The following CHODL variants were observed in gnomAD, a reference collection of about 807,000 sequenced individuals.
CHODL encodes the protein chondrolectin.
In CHODL, 29 loss-of-function variants were observed where a neutral mutation model predicts 34.5. The ratio of observed to expected loss-of-function variants is 0.84; its 90% CI spans 0.63 to 1.15. The LOEUF is 1.15. Among genes scored for constraint, CHODL ranks in the 50% most tolerant of loss-of-function variants. The probability of loss-of-function intolerance (pLI) is 0.00; values close to 1 mark genes in which losing one functional copy is unlikely to be tolerated. For synonymous variants in CHODL, 125 were observed against 116.1 expected (o/e 1.08, Z -0.49); for missense variants, 332 against 332.5 (o/e 1.00, Z 0.01).
chr21:17,975,155 A>G (rs2063651416), intron 1 of CHODL, among the ~76,000 whole-genome samples: 2 of 152,058 alleles, frequency 1.3e-5, no homozygotes, highest in African/African-American at 2.4e-5. Context: ...GTGAAAGATT[A>G]TGTCCTTTTC....
chr21:18,060,473 T>TAAATAAATAAAA (rs2064647203), intron 2 of CHODL, among the ~76,000 whole-genome samples: 2 of 150,948 alleles, frequency 1.3e-5, no homozygotes, highest in South Asian at 2.1e-4. Context: ...AATAAATAAA[T>TAAATAAATAAAA]AAAATTATCA....
intron 2 of CHODL, among the ~76,000 whole-genome samples, chr21:18,041,524 GT>G (rs2064375805): frequency 6.6e-6 from 1 of 151,578 alleles, no homozygotes; most frequent in African/African-American, 2.4e-5. Flanking sequence ...ATAAAATTGG[GT>G]TACAGATTTT....
chr21:18,015,639 G>A (rs2064065764), intron 1 of CHODL, among the ~76,000 whole-genome samples: 2 of 152,124 alleles, frequency 1.3e-5, no homozygotes, highest in Non-Finnish European at 2.9e-5. Flanking sequence ...GGGAAAGTTT[G>A]GAATGTCCTG....
intron 2 of CHODL, among the ~76,000 whole-genome samples, chr21:18,058,336 A>C (rs204013): frequency 0.65 from 98,986 of 152,034 alleles, 33,299 homozygotes; most frequent in African/African-American, 0.76. Flanking sequence ...ATGATCCAGC[A>C]ATCCAACTAT....
At chr21:18,135,561 C>T (rs1417904071) in intron 2 of CHODL, among the ~76,000 whole-genome samples, 1 of 152,114 alleles carries the variant, frequency 6.6e-6, no homozygotes, top group Admixed American at 6.6e-5. Context: ...AATCCCTTCT[C>T]CTATATCAAT....
intron 1 of CHODL, among the ~76,000 whole-genome samples, chr21:18,010,128 A>C (rs866575757): frequency 0.014 from 1,909 of 140,262 alleles, 39 homozygotes; most frequent in Middle Eastern, 0.027. Context: ...CAAAAAAAAA[A>C]AAAAAAAAAA....
intron 1 of CHODL, among the ~76,000 whole-genome samples, chr21:17,963,283 C>G (rs945320554): frequency 6.6e-6 from 1 of 151,954 alleles, no homozygotes. Flanking sequence ...CCGGTAATTA[C>G]GTAGAAAAAT....
At chr21:17,944,450 A>T (rs1307467783) in intron 1 of CHODL, among the ~76,000 whole-genome samples, 1 of 152,196 alleles carries the variant, frequency 6.6e-6, no homozygotes, top group Non-Finnish European at 1.5e-5. Flanking sequence ...ACAGCCACTT[A>T]TCTAAGCCAA....
chr21:18,238,124 C>T (rs562688027), intron 2 of CHODL, among the ~76,000 whole-genome samples: 39 of 152,172 alleles, frequency 2.6e-4, no homozygotes, highest in African/African-American at 9.1e-4. Flanking sequence ...CTTCTCAGCA[C>T]TCTGAACTAT....
intron 1 of CHODL, among the ~76,000 whole-genome samples, chr21:17,964,349 TCA>T (rs143331966): frequency 4.0e-5 from 6 of 151,774 alleles, no homozygotes; most frequent in Non-Finnish European, 7.4e-5. Flanking sequence ...AAGCACACAG[TCA>T]CACACACACA....
chr21:18,221,128 G>A (rs1350356258), intron 2 of CHODL, among the ~76,000 whole-genome samples: 2 of 151,886 alleles, frequency 1.3e-5, no homozygotes, highest in East Asian at 3.9e-4. Flanking sequence ...CAAAACGCTT[G>A]TCTTCAAGTT....
chr21:18,098,465 A>C (rs757521124), intron 2 of CHODL, among the ~76,000 whole-genome samples: 2 of 152,102 alleles, frequency 1.3e-5, no homozygotes, highest in Non-Finnish European at 2.9e-5. Context: ...AAAGTGCTCA[A>C]TTTCTTTTTA....
intron 2 of CHODL, among the ~76,000 whole-genome samples, chr21:18,059,542 C>T (rs1425638700): frequency 6.7e-6 from 1 of 149,312 alleles, no homozygotes; most frequent in Non-Finnish European, 1.5e-5. Flanking sequence ...GTTACATATG[C>T]AGGATGTGCA....
chr21:17,933,453 T>A (rs999595402), intron 1 of CHODL, among the ~76,000 whole-genome samples: 10 of 152,206 alleles, frequency 6.6e-5, no homozygotes, highest in Admixed American at 1.3e-4. Context: ...TTAAAGAGCA[T>A]GCTGACTTCA....
intron 2 of CHODL, among the ~76,000 whole-genome samples, chr21:18,099,750 A>G (rs889705713): frequency 5.3e-5 from 8 of 152,110 alleles, no homozygotes; most frequent in African/African-American, 1.7e-4. Context: ...CAACTCAGAA[A>G]ACTACTTCTC....
intron 2 of CHODL, among the ~76,000 whole-genome samples, chr21:18,046,619 A>G (rs539934377): frequency 2.0e-5 from 3 of 151,972 alleles, no homozygotes; most frequent in Non-Finnish European, 4.4e-5. Flanking sequence ...AAATCAGAAG[A>G]TTCTGTAGAA....
rs777886470 is a variant in CHODL at position 18,164,960 on chromosome 21, T to C, written c.-44-91549T>C. On this transcript the variant is annotated intron_variant, in intron 2 of 6. Coordinates refer to the CHODL transcript ENST00000400127. ...ACCTCTGATATATATCTTGAATATC[T>C]GGAACATGTCCTCTTTTTTTCTATC... Among the ~76,000 whole-genome samples, 17 of 152,338 alleles carry C rather than the reference T, an allele frequency of 1.1e-4. No individual in the cohort carries two copies. The East Asian group carries it at 2.5e-3, about 22-fold the overall frequency.
At chr21:18,155,783 A>G (rs1018958794) in intron 2 of CHODL, among the ~76,000 whole-genome samples, 10 of 152,234 alleles carry the variant, frequency 6.6e-5, no homozygotes, top group African/African-American at 2.2e-4. Context: ...GGGAGGCTTT[A>G]GACAGCAGGT....
chr21:18,169,733 T>C lies in CHODL; in HGVS notation c.-44-86776T>C, dbSNP rs999215484. Among the ~76,000 whole-genome samples the C allele has an allele frequency of 2.6e-5, 4 of 152,064 alleles. No individual in the cohort carries two copies. In the South Asian group the frequency reaches 8.3e-4, roughly 31 times the overall value. ...TTTCTTTTAAAATACGATTAAAATA[T>C]GATCATTTTTTAGATATCAGTTTCT... On this transcript the variant is annotated intron_variant, in intron 2 of 6. Transcript: ENST00000400127.
Sources: allele counts gnomAD v4.1 joint callset (sites outside exome capture counted in the v4.1 genomes callset), GRCh38; gene constraint gnomAD v4.1.1; transcripts MANE v1.5; gene names NCBI Gene and HGNC (gene_info 2026-07-23, HGNC 2026-07-21).